Variants in FGF7 observed in about 807,000 individuals in gnomAD.
FGF7 encodes the protein FGF-7.
FGF7 carries 6 observed loss-of-function variants against 20.5 expected under a neutral mutation model. The observed-to-expected ratio is 0.29, with a 90% CI of 0.16 to 0.58. The LOEUF (loss-of-function observed/expected upper bound fraction) is 0.58, where lower values mean the gene tolerates loss of function less well. Ranked by LOEUF, FGF7 falls within the 20% of genes least tolerant of loss-of-function variation. The pLI is 0.90. For missense variants in FGF7, 144 were observed against 228.8 expected (o/e 0.63, Z 2.39); for synonymous variants, 64 against 74.7 (o/e 0.86, Z 0.74).
At chr15:49,479,599 G>GTTTTTTTGT (rs2055712240) in intron 2 of FGF7, among the ~76,000 whole-genome samples, 2 of 63,292 alleles carry the variant, frequency 3.2e-5, no homozygotes, top group African/African-American at 1.3e-4. Flanking sequence ...TAATACCTCT[G>GTTTTTTTGT]TTTTTTTTTT....
intron 2 of FGF7, among the ~76,000 whole-genome samples, chr15:49,481,604 C>A (rs111949817): frequency 6.6e-6 from 1 of 152,090 alleles, no homozygotes; most frequent in Admixed American, 6.6e-5. Flanking sequence ...CTGTGTTCTT[C>A]AAAATTCTGC....
intron 2 of FGF7, among the ~76,000 whole-genome samples, chr15:49,449,239 T>G (rs889284569): frequency 2.6e-5 from 4 of 152,020 alleles, no homozygotes; most frequent in Non-Finnish European, 4.4e-5. Flanking sequence ...GCTCCTAGTA[T>G]TTATTGCTAG....
chr15:49,476,049 C>T (rs1255214940), intron 2 of FGF7, among the ~76,000 whole-genome samples: 3 of 152,076 alleles, frequency 2.0e-5, no homozygotes, highest in Admixed American at 2.0e-4. Flanking sequence ...GCTTCCATGG[C>T]CTTGCACATA....
intron 2 of FGF7, among the ~76,000 whole-genome samples, chr15:49,433,586 TA>T (rs995974887): frequency 3.3e-5 from 5 of 150,060 alleles, no homozygotes; most frequent in South Asian, 2.1e-4. Flanking sequence ...TCTCTATCAC[TA>T]AAAAAAAATG....
intron 2 of FGF7, among the ~76,000 whole-genome samples, chr15:49,426,109 A>G (rs541597651): frequency 4.6e-5 from 7 of 151,856 alleles, no homozygotes; most frequent in Middle Eastern, 3.4e-3. Flanking sequence ...GGTAAAAATT[A>G]TGACACATGG....
intron 2 of FGF7, among the ~76,000 whole-genome samples, chr15:49,438,108 A>G (rs531601203): frequency 1.3e-4 from 19 of 151,758 alleles, no homozygotes; most frequent in Admixed American, 6.6e-5. Flanking sequence ...CAGGAGTACC[A>G]AGTTCAAGAT....
At position 49,424,359 on chromosome 15, in the gene FGF7, T is replaced by C. The variant is rs1364834429; in HGVS notation, c.62T>C (p.Ile21Thr). The C allele has an allele frequency of 1.9e-6, 3 of 1,613,558 alleles. No individual in the cohort carries two copies. The highest frequency in any genetic ancestry group is 2.5e-6 in the Non-Finnish European group (3 of 1,179,708). The change falls in exon 2 of 4, where the codon ATT becomes ACT. Residue 21 changes from isoleucine to threonine, a missense_variant. Ile to Thr is a moderately conservative substitution (Grantham distance 89, BLOSUM62 -1). Transcript: ENST00000267843. ...TTGCTCTACAGATCATGCTTTCACA[T>C]TATCTGTCTAGTGGGTACTATATCT... ...PTLLYRSCFH[I>T]ICLVGTISLA...
chr15:49,463,550 C>CAAA (rs34545202), intron 2 of FGF7, among the ~76,000 whole-genome samples: 30,556 of 124,678 alleles, frequency 0.25, 3,735 homozygotes, highest in Middle Eastern at 0.37. Context: ...GATTCCGTCT[C>CAAA]AAAAAAAAAA....
intron 2 of FGF7, among the ~76,000 whole-genome samples, chr15:49,428,430 A>G (rs1338346057): frequency 6.6e-6 from 1 of 152,028 alleles, no homozygotes; most frequent in African/African-American, 2.4e-5. Flanking sequence ...GGTGAAATGA[A>G]TGGTCGATAC....
intron 2 of FGF7, among the ~76,000 whole-genome samples, chr15:49,435,916 T>C (rs2051059658): frequency 1.3e-5 from 2 of 151,602 alleles, no homozygotes; most frequent in Non-Finnish European, 3.0e-5. Context: ...AGTGAATAAA[T>C]GTAAGTATAT....
At chr15:49,470,644 C>A (rs1263644748) in intron 2 of FGF7, among the ~76,000 whole-genome samples, 1 of 152,132 alleles carries the variant, frequency 6.6e-6, no homozygotes, top group Non-Finnish European at 1.5e-5. Context: ...GCCTCAACAT[C>A]CATTGGGCCT....
intron 2 of FGF7, among the ~76,000 whole-genome samples, chr15:49,471,738 A>T (rs1329330144): frequency 1.3e-5 from 2 of 152,112 alleles, no homozygotes; most frequent in Non-Finnish European, 2.9e-5. Flanking sequence ...AAGCTAGCTG[A>T]CATTAGGTAA....
At chr15:49,441,084 G>C (rs769076437) in intron 2 of FGF7, among the ~76,000 whole-genome samples, 6 of 151,694 alleles carry the variant, frequency 4.0e-5, no homozygotes, top group Non-Finnish European at 5.9e-5. Flanking sequence ...AAATGAATGA[G>C]TAAATAAGAT....
chr15:49,483,094 T>G, intron 2 of FGF7, 57 bp from the exon 3 acceptor site: 4 of 937,546 alleles, frequency 4.3e-6, no homozygotes, highest in Non-Finnish European at 6.9e-6. Flanking sequence ...TGGCCATTCG[T>G]GGATCATTTG....
chr15:49,448,515 CTAACA>C (rs1010526413), intron 2 of FGF7, among the ~76,000 whole-genome samples: 49 of 151,424 alleles, frequency 3.2e-4, no homozygotes, highest in African/African-American at 9.9e-4. Context: ...TAAAAAACTC[CTAACA>C]TAAGTTAATC....
At chr15:49,477,451 G>C (rs1031923545) in intron 2 of FGF7, among the ~76,000 whole-genome samples, 5 of 152,210 alleles carry the variant, frequency 3.3e-5, no homozygotes, top group African/African-American at 9.6e-5. Context: ...TTTTCAGACT[G>C]GTTTCTTTCA....
At chr15:49,448,362 T>C (rs1167558845) in intron 2 of FGF7, among the ~76,000 whole-genome samples, 2 of 151,688 alleles carry the variant, frequency 1.3e-5, no homozygotes, top group Non-Finnish European at 3.0e-5. Context: ...CATTTAACTC[T>C]TTTAATTCCT....
intron 2 of FGF7, among the ~76,000 whole-genome samples, chr15:49,426,749 T>C (rs1426272507): frequency 1.3e-5 from 2 of 151,954 alleles, no homozygotes; most frequent in African/African-American, 4.8e-5. Flanking sequence ...CGCCCTATAT[T>C]GTTATAAATT....
At chr15:49,429,901 A>C (rs2050446012) in intron 2 of FGF7, among the ~76,000 whole-genome samples, 1 of 151,912 alleles carries the variant, frequency 6.6e-6, no homozygotes, top group Admixed American at 6.6e-5. Context: ...AATGATTCTA[A>C]AGTGCAGCTA....
Sources: gnomAD v4.1 joint callset for allele counts (sites outside exome capture counted in the v4.1 genomes callset) on GRCh38, gnomAD v4.1.1 for gene constraint, MANE v1.5 for transcripts, NCBI Gene and HGNC (gene_info 2026-07-23, HGNC 2026-07-21) for gene names.